FGF14: variants seen among roughly 807,000 people sequenced by gnomAD.
FGF14 encodes the protein fibroblast growth factor homologous factor 4.
A neutral mutation model predicts 25.5 loss-of-function variants in FGF14; 5 were observed. That is an observed-to-expected ratio of 0.20 (90% CI 0.10 to 0.41). The LOEUF (loss-of-function observed/expected upper bound fraction) is 0.41, where lower values mean the gene tolerates loss of function less well. Ranked by LOEUF, FGF14 falls within the 10% of genes least tolerant of loss-of-function variation. FGF14 has a pLI of 1.00. For synonymous variants in FGF14, 138 were observed against 118.3 expected, an observed-to-expected ratio of 1.17 and a Z score of -1.08; for missense variants, 222 against 320.1, an observed-to-expected ratio of 0.69 and a Z score of 2.34.
intron 3 of FGF14, among the ~76,000 whole-genome samples, chr13:101,787,683 C>G (rs1404572938): frequency 6.6e-6 from 1 of 152,092 alleles, no homozygotes; most frequent in African/African-American, 2.4e-5. Context: ...TGTCCTCCTA[C>G]CCGGTGCCTC....
At chr13:101,930,198 A>T (rs1182274647) in intron 1 of FGF14, among the ~76,000 whole-genome samples, 1 of 152,210 alleles carries the variant, frequency 6.6e-6, no homozygotes, top group Admixed American at 6.5e-5. Flanking sequence ...AACAAACCAA[A>T]TGAGAAACCC....
chr13:101,831,558 T>C (rs917966464), intron 3 of FGF14, among the ~76,000 whole-genome samples: 5 of 152,104 alleles, frequency 3.3e-5, no homozygotes, highest in African/African-American at 7.2e-5. Context: ...TGAGACCGAA[T>C]TGCAATCCTA....
chr13:101,723,914 T>C (rs1375610947), intron 4 of FGF14, among the ~76,000 whole-genome samples: 1 of 152,090 alleles, frequency 6.6e-6, no homozygotes, highest in African/African-American at 2.4e-5. Context: ...AAGTTTAAGG[T>C]ATTTTACGAA....
intron 1 of FGF14, among the ~76,000 whole-genome samples, chr13:102,027,739 T>C (rs573382985): frequency 4.0e-4 from 61 of 152,154 alleles, no homozygotes; most frequent in African/African-American, 1.4e-3. Context: ...TAGGACATTG[T>C]TGGAATCTGG....
chr13:102,161,381 G>A (rs1202489087), intron 1 of FGF14, among the ~76,000 whole-genome samples: 1 of 152,010 alleles, frequency 6.6e-6, no homozygotes, highest in Non-Finnish European at 1.5e-5. Context: ...GAGTAACTGT[G>A]GCTGTCTTGT....
chr13:102,000,844 A>G (rs142126945), intron 1 of FGF14, among the ~76,000 whole-genome samples: 4 of 152,338 alleles, frequency 2.6e-5, no homozygotes, highest in East Asian at 1.9e-4. Flanking sequence ...GAAAATGCCA[A>G]TGGAAATGTC....
intron 3 of FGF14, among the ~76,000 whole-genome samples, chr13:101,738,420 GAA>G (rs1383538930): frequency 6.6e-6 from 1 of 152,196 alleles, no homozygotes; most frequent in Non-Finnish European, 1.5e-5. Context: ...ACATAGTTCT[GAA>G]ATGCAATGCT....
chr13:102,190,427 A>C (rs1297239071), intron 1 of FGF14, among the ~76,000 whole-genome samples: 1 of 152,208 alleles, frequency 6.6e-6, no homozygotes, highest in Non-Finnish European at 1.5e-5. Context: ...CAACAGTGTT[A>C]CTGGCCTCTA....
Position 101,817,170 on chromosome 13 carries a change from C to T in FGF14, c.408+51555G>A, listed in dbSNP as rs1234765218. Among the ~76,000 whole-genome samples, 3 of 152,282 alleles carry T rather than the reference C, an allele frequency of 2.0e-5. No individual in the cohort carries two copies. In the South Asian group the frequency reaches 6.2e-4, roughly 32 times the overall value. ...CTACTGTTATCATCTCCCAGGATCA[C>T]AGGGCCTGGTTTCTCAGTGAGCATC... On this transcript the variant is annotated intron_variant, in intron 3 of 4. Transcript: ENST00000376143.
intron 1 of FGF14, among the ~76,000 whole-genome samples, chr13:102,069,686 C>T (rs991454734): frequency 3.3e-5 from 5 of 152,124 alleles, no homozygotes; most frequent in African/African-American, 1.2e-4. Context: ...AGACCACGAA[C>T]CCACCAGAAG....
chr13:102,287,135 A>G (rs1365525162), intron 1 of FGF14, among the ~76,000 whole-genome samples: 1 of 152,246 alleles, frequency 6.6e-6, no homozygotes, highest in Admixed American at 6.5e-5. Context: ...AATAAAAAAA[A>G]AGAACAAACA....
At chr13:102,289,495 G>C (rs1031356041) in intron 1 of FGF14, among the ~76,000 whole-genome samples, 3 of 152,168 alleles carry the variant, frequency 2.0e-5, no homozygotes, top group Non-Finnish European at 4.4e-5. Flanking sequence ...ATATGTAAAA[G>C]AATAAGGATG....
intron 3 of FGF14, among the ~76,000 whole-genome samples, chr13:101,854,700 T>A (rs903177846): frequency 4.3e-4 from 65 of 152,090 alleles, no homozygotes; most frequent in Non-Finnish European, 6.8e-4. Context: ...GCTGGTCCTA[T>A]TGCCAACTCT....
intron 1 of FGF14, among the ~76,000 whole-genome samples, chr13:102,198,197 G>A (rs1392187600): frequency 6.6e-6 from 1 of 152,056 alleles, no homozygotes; most frequent in African/African-American, 2.4e-5. Flanking sequence ...TGCTTTTTTA[G>A]GCACCATCGG....
At chr13:102,270,431 C>G (rs973168887) in intron 1 of FGF14, among the ~76,000 whole-genome samples, 1 of 152,104 alleles carries the variant, frequency 6.6e-6, no homozygotes, top group Non-Finnish European at 1.5e-5. Flanking sequence ...AAACATTTCT[C>G]TATAGATAGA....
chr13:101,916,698 G>C lies in FGF14; in HGVS notation c.-53C>G. 7.0e-7 allele frequency: 1 copy of C among 1,422,072 alleles called. No individual in the cohort carries two copies. Among genetic ancestry groups the C allele is most frequent in the Non-Finnish European group, 9.3e-7 (1 of 1,076,686 alleles). The allele number at this position is 1,422,072 out of a possible 1,614,324, so 88.1% of individuals were successfully genotyped here. On this transcript the variant is annotated 5_prime_UTR_variant, in exon 1 of 5. Coordinates refer to ENST00000376143, the MANE Select transcript of FGF14 (RefSeq NM_004115.4). ...GGAGGGCGCGGGAGGACGGCGAGCC[G>C]GGGGCACCGGAGGGGAAGGCGGCGG...
intron 1 of FGF14, among the ~76,000 whole-genome samples, chr13:101,935,450 A>G (rs2035035647): frequency 6.6e-6 from 1 of 152,206 alleles, no homozygotes; most frequent in Non-Finnish European, 1.5e-5. Context: ...CCCCTGTGTC[A>G]TGGGAAAAAC....
At chr13:101,961,225 C>T (rs768048932) in intron 1 of FGF14, among the ~76,000 whole-genome samples, 1 of 152,106 alleles carries the variant, frequency 6.6e-6, no homozygotes, top group African/African-American at 2.4e-5. Context: ...GCTTTTGTTG[C>T]CATTGCTTTC....
chr13:101,788,475 C>T (rs2140071872), intron 3 of FGF14, among the ~76,000 whole-genome samples: 1 of 152,154 alleles, frequency 6.6e-6, no homozygotes, highest in Non-Finnish European at 1.5e-5. Flanking sequence ...GAAATATCTG[C>T]TAGTATAATA....
Sources: allele counts gnomAD v4.1 joint callset (sites outside exome capture counted in the v4.1 genomes callset), GRCh38; gene constraint gnomAD v4.1.1; transcripts MANE v1.5; gene names NCBI Gene and HGNC (gene_info 2026-07-23, HGNC 2026-07-21).